NEGR1: variants seen among roughly 807,000 people sequenced by gnomAD.
NEGR1 encodes IgLON family member 4.
Under a neutral mutation model 40.9 loss-of-function variants are expected in NEGR1, and 10 were observed. That is an observed-to-expected ratio of 0.24 (90% CI 0.15 to 0.42). The LOEUF (loss-of-function observed/expected upper bound fraction) is 0.42, where lower values mean the gene tolerates loss of function less well. Ranked by LOEUF, NEGR1 falls within the 10% of genes least tolerant of loss-of-function variation. The pLI, the probability that NEGR1 is intolerant of heterozygous loss-of-function variation, is 1.00. For missense variants in NEGR1, 352 were observed against 438.9 expected, an observed-to-expected ratio of 0.80 and a Z score of 1.77; for synonymous variants, 185 against 166.8, an observed-to-expected ratio of 1.11 and a Z score of -0.84.
At chr1:71,940,677 G>A (rs1645950416) in intron 1 of NEGR1, among the ~76,000 whole-genome samples, 1 of 152,138 alleles carries the variant, frequency 6.6e-6, no homozygotes, top group Non-Finnish European at 1.5e-5. Flanking sequence ...AAGTCCCATT[G>A]GGTGAGATGC....
intron 1 of NEGR1, among the ~76,000 whole-genome samples, chr1:72,273,921 A>G (rs1333656154): frequency 6.6e-6 from 1 of 151,526 alleles, no homozygotes; most frequent in Non-Finnish European, 1.5e-5. Flanking sequence ...TTGGCCTGAT[A>G]CATGAAAGCT....
At chr1:71,975,857 T>G (rs1250297870) in intron 1 of NEGR1, among the ~76,000 whole-genome samples, 1 of 152,230 alleles carries the variant, frequency 6.6e-6, no homozygotes, top group Non-Finnish European at 1.5e-5. Context: ...GATTCATTTT[T>G]ACCATATAGT....
intron 1 of NEGR1, among the ~76,000 whole-genome samples, chr1:72,128,865 TCA>T (rs1650132205): frequency 6.6e-6 from 1 of 152,132 alleles, no homozygotes; most frequent in Admixed American, 6.6e-5. Flanking sequence ...TGAGTGGGTA[TCA>T]TTCAAAATGT....
At chr1:71,847,205 G>T (rs555983623) in intron 2 of NEGR1, among the ~76,000 whole-genome samples, 30 of 152,274 alleles carry the variant, frequency 2.0e-4, no homozygotes, top group African/African-American at 7.0e-4. Context: ...CCTCTGCTGT[G>T]TTGAGATGAA....
chr1:72,026,585 C>T (rs1646812437), intron 1 of NEGR1, among the ~76,000 whole-genome samples: 1 of 152,112 alleles, frequency 6.6e-6, no homozygotes, highest in South Asian at 2.1e-4. Context: ...TTCCTTATCT[C>T]CAATATAGTC....
intron 1 of NEGR1, among the ~76,000 whole-genome samples, chr1:72,077,056 G>A (rs933989007): frequency 3.3e-5 from 5 of 151,700 alleles, no homozygotes; most frequent in South Asian, 2.1e-4. Flanking sequence ...CACCATGCCC[G>A]TCTAATTTTT....
chr1:71,612,361 C>T lies in NEGR1; in HGVS notation c.668-1215G>A, dbSNP rs749565792. On this transcript the variant is annotated intron_variant, in intron 4 of 6. Transcript: ENST00000357731. Reference sequence around the variant, plus strand: ...CTTTGTATATTCCAAGATCATTACACAGTGCCTAGCACAGTGTGATGCTTA... The same window carrying T: ...CTTTGTATATTCCAAGATCATTACATAGTGCCTAGCACAGTGTGATGCTTA... 5.4e-4 allele frequency among the ~76,000 whole-genome samples: 83 copies of T among 152,302 alleles called. No individual in the cohort carries two copies. In the Middle Eastern group the frequency reaches 0.01, roughly 19 times the overall value.
chr1:71,645,224 C>T (rs962512654), intron 4 of NEGR1, among the ~76,000 whole-genome samples: 2 of 151,956 alleles, frequency 1.3e-5, no homozygotes, highest in African/African-American at 2.4e-5. Context: ...CACACACTTG[C>T]TGATTTTGAA....
intron 1 of NEGR1, among the ~76,000 whole-genome samples, chr1:72,183,792 G>A (rs775017526): frequency 6.6e-5 from 10 of 152,188 alleles, no homozygotes; most frequent in Non-Finnish European, 1.3e-4. Flanking sequence ...AAGAACTTGA[G>A]AGGATGTTAT....
At chr1:71,904,244 T>C (rs1430547433) in intron 2 of NEGR1, among the ~76,000 whole-genome samples, 2 of 152,020 alleles carry the variant, frequency 1.3e-5, no homozygotes, top group African/African-American at 4.8e-5. Flanking sequence ...ATAGATATTA[T>C]TTAATAAAAT....
intron 3 of NEGR1, among the ~76,000 whole-genome samples, chr1:71,701,325 C>T (rs1195329055): frequency 6.6e-6 from 1 of 151,894 alleles, no homozygotes; most frequent in African/African-American, 2.4e-5. Flanking sequence ...GTGAAGTCTT[C>T]ATTTTCTTGG....
chr1:72,009,183 A>T (rs1021812224), intron 1 of NEGR1, among the ~76,000 whole-genome samples: 4 of 152,104 alleles, frequency 2.6e-5, no homozygotes, highest in African/African-American at 7.2e-5. Flanking sequence ...GTAGTAGATG[A>T]TGAACAAATT....
intron 4 of NEGR1, among the ~76,000 whole-genome samples, chr1:71,625,271 T>C (rs1298235246): frequency 6.6e-6 from 1 of 151,708 alleles, no homozygotes; most frequent in Non-Finnish European, 1.5e-5. Flanking sequence ...TATTTTTCTT[T>C]ATACTTACAT....
At chr1:72,100,097 C>G (rs1648875715) in intron 1 of NEGR1, among the ~76,000 whole-genome samples, 1 of 152,010 alleles carries the variant, frequency 6.6e-6, no homozygotes, top group African/African-American at 2.4e-5. Context: ...ACTAAAGTAA[C>G]TTTTTAAAAT....
At chr1:71,689,318 A>G (rs1232153088) in intron 4 of NEGR1, among the ~76,000 whole-genome samples, 1 of 152,290 alleles carries the variant, frequency 6.6e-6, no homozygotes, top group South Asian at 2.1e-4. Context: ...TAAAACTTAA[A>G]TAACTATCAG....
chr1:72,131,491 T>C (rs961564058), intron 1 of NEGR1, among the ~76,000 whole-genome samples: 3 of 152,186 alleles, frequency 2.0e-5, no homozygotes, highest in Non-Finnish European at 4.4e-5. Flanking sequence ...TTCTCACAAA[T>C]ATCTTATTCT....
At chr1:71,855,114 G>C (rs1417212790) in intron 2 of NEGR1, among the ~76,000 whole-genome samples, 1 of 151,988 alleles carries the variant, frequency 6.6e-6, no homozygotes, top group Non-Finnish European at 1.5e-5. Context: ...ACAGTATCAC[G>C]TTTAGGCATG....
intron 3 of NEGR1, among the ~76,000 whole-genome samples, chr1:71,741,066 A>G (rs1343233741): frequency 2.6e-5 from 4 of 152,148 alleles, no homozygotes; most frequent in African/African-American, 9.7e-5. Flanking sequence ...GATTTCTTCC[A>G]TTCATGGCGT....
At chr1:71,928,514 A>ATACGTG (rs1645822411) in intron 2 of NEGR1, among the ~76,000 whole-genome samples, 1 of 146,492 alleles carries the variant, frequency 6.8e-6, no homozygotes, top group African/African-American at 2.5e-5. Context: ...ATACATGTGT[A>ATACGTG]TATATATACA....
Sources: gnomAD v4.1 joint callset for allele counts (sites outside exome capture counted in the v4.1 genomes callset) on GRCh38, gnomAD v4.1.1 for gene constraint, MANE v1.5 for transcripts, NCBI Gene and HGNC (gene_info 2026-07-23, HGNC 2026-07-21) for gene names.